Variants in SHOC1 observed in about 807,000 individuals in gnomAD.
The protein encoded by SHOC1 is protein shortage in chiasmata 1 ortholog.
In SHOC1, 136 loss-of-function variants were observed where a neutral mutation model predicts 179.2. That is an observed-to-expected ratio of 0.76 (90% CI 0.66 to 0.87). The LOEUF is 0.87. Among genes scored for constraint, SHOC1 ranks in the 40% least tolerant of loss-of-function variants. SHOC1 has a pLI of 0.00. For synonymous variants in SHOC1, 489 were observed against 586.6 expected (o/e 0.83, Z 2.41); for missense variants, 1,538 against 1,700.8 (o/e 0.90, Z 1.68).
At position 111,706,682 on chromosome 9, in the gene SHOC1, A is replaced by G. The variant is rs893175885; in HGVS notation, c.2623T>C (p.Ser875Pro). Residue 875 changes from serine to proline, a missense_variant, in exon 20 of 28, where the codon TCA (serine) becomes CCA (proline). Coordinates refer to ENST00000682961, the MANE Select transcript of SHOC1 (RefSeq NM_001378211.1). ...ACATAATTGTATTCCACCACAAATGAGAAATTACTCCAGGGGAAATCTGCT... is the reference window on the plus strand; with the variant it reads ...ACATAATTGTATTCCACCACAAATGGGAAATTACTCCAGGGGAAATCTGCT... ...IGADFPWSNF[S>P]FVVEYNYVED... The G allele has an allele frequency of 1.2e-6, 2 of 1,609,874 alleles. No homozygotes were observed. Among genetic ancestry groups the G allele is most frequent in the African/African-American group, 2.7e-5 (2 of 74,720 alleles).
rs1554707978 is a variant in SHOC1, at chr9:111,692,513, T to A, written c.3466-2A>T. 6.5e-6 allele frequency: 10 copies of A among 1,544,718 alleles called. No homozygotes were observed. Among genetic ancestry groups the A allele is most frequent in the Non-Finnish European group, 8.7e-6 (10 of 1,142,866 alleles). ...TAGGGAAGTGATGCTACAAAAATGC[T>A]AAAAAATGAATTAATATAATGCAAA... On this transcript the variant is annotated splice_acceptor_variant, in intron 26 of 27. Coordinates refer to ENST00000682961, the MANE Select transcript of SHOC1 (RefSeq NM_001378211.1). LOFTEE classifies it high-confidence loss of function.
Position 111,707,337 on chromosome 9 carries a change from G to C in SHOC1, c.2558+518C>G, listed in dbSNP as rs555774453. 1.1e-3 allele frequency among the ~76,000 whole-genome samples: 164 copies of C among 151,952 alleles called. 1 individual carries two copies. Among genetic ancestry groups the C allele is most frequent in the Middle Eastern group, 0.01 (3 of 292 alleles). On this transcript the variant is annotated intron_variant, in intron 19 of 27. Transcript: ENST00000682961. ...AGAAGTTAAAAAGTACCTATGTCCA[G>C]TTTTTATGGGCTTCTATTTGATTTA...
chr9:111,698,720 G>A (rs2131332795), intron 24 of SHOC1, among the ~76,000 whole-genome samples: 1 of 152,276 alleles, frequency 6.6e-6, no homozygotes, highest in East Asian at 1.9e-4. Context: ...GAGAATCGGG[G>A]AATAGTATTC....
chr9:111,756,513 G>A (rs762122839), intron 7 of SHOC1, 35 bp from the exon 8 acceptor site: 20 of 1,547,086 alleles, frequency 1.3e-5, no homozygotes, highest in Non-Finnish European at 1.7e-5. Flanking sequence ...TTTTTAGAGA[G>A]GCTTTCCAAA....
chr9:111,750,607 T>C (rs981692261), intron 8 of SHOC1, among the ~76,000 whole-genome samples: 11 of 152,216 alleles, frequency 7.2e-5, no homozygotes, highest in African/African-American at 2.7e-4. Flanking sequence ...AGTGCTGGGA[T>C]TACAGGTGTG....
intron 8 of SHOC1, among the ~76,000 whole-genome samples, chr9:111,751,255 A>G (rs1427309307): frequency 6.6e-6 from 1 of 152,192 alleles, no homozygotes; most frequent in Non-Finnish European, 1.5e-5. Flanking sequence ...GCCTTGTAGC[A>G]TAGTTTGAAG....
intron 12 of SHOC1, among the ~76,000 whole-genome samples, chr9:111,733,345 TAACTATACCTA>T (rs1833674800): frequency 6.6e-6 from 1 of 152,128 alleles, no homozygotes; most frequent in African/African-American, 2.4e-5. Flanking sequence ...ACTTTCCTCT[TAACTATACCTA>T]AATGTAAGAC....
At chr9:111,714,678 C>G in intron 16 of SHOC1, 55 bp from the exon 17 acceptor site, 1 of 1,459,046 alleles carries the variant, frequency 6.9e-7, no homozygotes, top group Middle Eastern at 1.7e-4. Flanking sequence ...TTAAGAAACT[C>G]CGTGGTAAAA....
intron 4 of SHOC1, among the ~76,000 whole-genome samples, chr9:111,778,499 G>A (rs1179976186): frequency 6.6e-6 from 1 of 152,162 alleles, no homozygotes; most frequent in Admixed American, 6.5e-5. Flanking sequence ...TGGGCACAGT[G>A]GCTCACGCCT....
At chr9:111,784,625 C>T (rs544072425) in intron 3 of SHOC1, among the ~76,000 whole-genome samples, 64 of 152,254 alleles carry the variant, frequency 4.2e-4, no homozygotes, top group Admixed American at 1.0e-3. Context: ...CAGTGACTTC[C>T]CATATCCACA....
At chr9:111,738,152 C>T (rs1833887154) in intron 12 of SHOC1, 128 bp downstream of exon 12, 2 of 725,358 alleles carry the variant, frequency 2.8e-6, no homozygotes, top group Non-Finnish European at 4.1e-6. Context: ...TAAATTCTGG[C>T]AGAGCCAGGG....
chr9:111,748,113 G>C lies in SHOC1; in HGVS notation c.949C>G (p.Pro317Ala). The C allele has an allele frequency of 6.2e-7, 1 of 1,613,074 alleles. No homozygotes were observed. The highest frequency in any genetic ancestry group is 8.5e-7 in the Non-Finnish European group (1 of 1,179,366). ...EILTIQSQSE[P>A]EECSKPGELE... ...CTACCTGGTTTACTGCACTCTTCTGGTTCACTCTGGCTTTGAATGGTCAAA... is the reference window on the plus strand; with the variant it reads ...CTACCTGGTTTACTGCACTCTTCTGCTTCACTCTGGCTTTGAATGGTCAAA... The change falls in exon 9 of 28, where the codon CCA becomes GCA. Residue 317 changes from proline (P) to alanine (A), a missense_variant. By Grantham distance (27) the Pro-to-Ala change is conservative. Transcript: ENST00000682961.
At chr9:111,764,676 G>T (rs947479969) in intron 5 of SHOC1, among the ~76,000 whole-genome samples, 1 of 152,118 alleles carries the variant, frequency 6.6e-6, no homozygotes. Flanking sequence ...CAATATATAA[G>T]GTCTAAAACT....
At chr9:111,735,260 A>G (rs1170542755) in intron 12 of SHOC1, among the ~76,000 whole-genome samples, 1 of 151,830 alleles carries the variant, frequency 6.6e-6, no homozygotes, top group Non-Finnish European at 1.5e-5. Context: ...AGGTATATAC[A>G]TGTTATGGTG....
intron 5 of SHOC1, among the ~76,000 whole-genome samples, chr9:111,775,209 G>C (rs905905087): frequency 1.3e-5 from 2 of 151,948 alleles, no homozygotes; most frequent in African/African-American, 4.8e-5. Context: ...TGGCCAAGCT[G>C]GTCTCAAACT....
In SHOC1 at chr9:111,738,360, G is replaced by T; in HGVS notation, c.1337C>A (p.Thr446Lys). ...AGACAAATTATCATGACATAAATATGTATTCAGATGTTCCAATGTTTCCAT... is the reference window on the plus strand; with the variant it reads ...AGACAAATTATCATGACATAAATATTTATTCAGATGTTCCAATGTTTCCAT... ...KMMETLEHLN[T>K]YLCHDNLSSN... Residue 446 changes from threonine (T) to lysine (K), a missense_variant, in exon 12 of 28, where the codon ACA (threonine) becomes AAA (lysine). By Grantham distance (78) the Thr-to-Lys change is moderately conservative. Coordinates refer to ENST00000682961, the MANE Select transcript of SHOC1 (RefSeq NM_001378211.1). The T allele has an allele frequency of 1.2e-6, 2 of 1,612,692 alleles. No homozygotes were observed. Among genetic ancestry groups the T allele is most frequent in the Non-Finnish European group, 1.7e-6 (2 of 1,179,458 alleles).
chr9:111,775,507 T>G (rs1835795105), intron 5 of SHOC1, among the ~76,000 whole-genome samples: 1 of 152,162 alleles, frequency 6.6e-6, no homozygotes, highest in South Asian at 2.1e-4. Flanking sequence ...CATGGGATCT[T>G]AAAAAGATGC....
chr9:111,731,479 G>A (rs1833566377), intron 12 of SHOC1, among the ~76,000 whole-genome samples: 1 of 152,124 alleles, frequency 6.6e-6, no homozygotes, highest in Non-Finnish European at 1.5e-5. Flanking sequence ...GACATAGAGT[G>A]GGCCAAGGAA....
Position 111,706,615 on chromosome 9 carries a change from A to G in SHOC1, c.2690T>C (p.Ile897Thr). The change falls in exon 20 of 28, where the codon ATT becomes ACT. Residue 897 changes from isoleucine to threonine, a missense_variant. By Grantham distance (89) the Ile-to-Thr change is moderately conservative. Transcript: ENST00000682961. Reference protein sequence around the residue: ...CWTKHCKELNIPYMAFKVILP... With the variant: ...CWTKHCKELNTPYMAFKVILP... ...AATCACTTTAAAGGCCATGTAAGGA[A>G]TATTCAACTCTTTGCAGTGTTTAGT... The G allele has an allele frequency of 6.2e-7, 1 of 1,601,822 alleles. No homozygotes were observed. Among genetic ancestry groups the G allele is most frequent in the South Asian group, 1.1e-5 (1 of 89,020 alleles).
Sources: allele counts gnomAD v4.1 joint callset (sites outside exome capture counted in the v4.1 genomes callset), GRCh38; gene constraint gnomAD v4.1.1; transcripts MANE v1.5; gene names NCBI Gene and HGNC (gene_info 2026-07-23, HGNC 2026-07-21).